CNBD1: variants seen among roughly 807,000 people sequenced by gnomAD.
The protein encoded by CNBD1 is cyclic nucleotide-binding domain-containing protein 1.
CNBD1 carries 71 observed loss-of-function variants against 54.4 expected under a neutral mutation model. The ratio of observed to expected loss-of-function variants is 1.30; its 90% CI spans 1.08 to 1.59. CNBD1 has a LOEUF of 1.59. CNBD1 is among the 40% of genes most tolerant of loss of function. The pLI is 0.00. For missense variants in CNBD1, 659 were observed against 518.0 expected (o/e 1.27, Z -2.64); for synonymous variants, 182 against 170.7 (o/e 1.07, Z -0.51).
At chr8:87,315,705 GT>G (rs1316922556) in intron 8 of CNBD1, among the ~76,000 whole-genome samples, 1 of 152,012 alleles carries the variant, frequency 6.6e-6, no homozygotes, top group African/African-American at 2.4e-5. Flanking sequence ...TTTTGGAGGG[GT>G]AAAATATCCA....
intron 4 of CNBD1, among the ~76,000 whole-genome samples, chr8:87,158,181 A>G (rs895581783): frequency 6.6e-6 from 1 of 152,122 alleles, no homozygotes; most frequent in Admixed American, 6.6e-5. Context: ...ACTACCTGGG[A>G]TAAAGTCTGG....
intron 3 of CNBD1, among the ~76,000 whole-genome samples, chr8:86,919,515 G>C (rs1809238980): frequency 6.6e-6 from 1 of 152,148 alleles, no homozygotes; most frequent in South Asian, 2.1e-4. Flanking sequence ...GACTCCCTGT[G>C]ATTGGCTGAA....
intron 2 of CNBD1, among the ~76,000 whole-genome samples, chr8:87,416,202 G>A (rs940521080): frequency 9.2e-5 from 14 of 151,938 alleles, no homozygotes; most frequent in African/African-American, 3.1e-4. Flanking sequence ...AATCAGGAAT[G>A]TAATAAACCT....
Position 87,050,536 on chromosome 8 carries a change from C to A in CNBD1, c.431+110782C>A, listed in dbSNP as rs146998193. On this transcript the variant is annotated intron_variant, in intron 4 of 10. Transcript: ENST00000518476. ...AAACAAGTGAGGGCTGTCTCAGAAT[C>A]CTTGAGGCAGCACTGTCCAGGTTAG... is the stretch of plus-strand genomic sequence containing the variant. 2.6e-3 allele frequency among the ~76,000 whole-genome samples: 393 copies of A among 152,298 alleles called. 1 individual carries two copies. Among genetic ancestry groups the A allele is most frequent in the African/African-American group, 8.7e-3 (360 of 41,566 alleles).
At chr8:87,022,796 G>A (rs998641883) in intron 4 of CNBD1, among the ~76,000 whole-genome samples, 1 of 152,136 alleles carries the variant, frequency 6.6e-6, no homozygotes, top group Admixed American at 6.5e-5. Context: ...AACTGATAAT[G>A]GTTGCTGGAA....
At chr8:87,029,304 G>A (rs925016604) in intron 4 of CNBD1, among the ~76,000 whole-genome samples, 8 of 152,120 alleles carry the variant, frequency 5.3e-5, no homozygotes, top group African/African-American at 1.9e-4. Context: ...AGCCAAACAA[G>A]CAAACAAGTA....
At chr8:86,960,888 T>C (rs962833251) in intron 4 of CNBD1, among the ~76,000 whole-genome samples, 3 of 152,158 alleles carry the variant, frequency 2.0e-5, no homozygotes, top group Non-Finnish European at 4.4e-5. Flanking sequence ...GGAGTGGACC[T>C]CCAGCAAACT....
chr8:87,077,186 T>G (rs556308570), intron 4 of CNBD1, among the ~76,000 whole-genome samples: 4 of 152,280 alleles, frequency 2.6e-5, no homozygotes, highest in African/African-American at 9.6e-5. Context: ...GAACTCGCCT[T>G]AATCAGTTTG....
At chr8:86,979,575 C>T (rs1808425777) in intron 4 of CNBD1, among the ~76,000 whole-genome samples, 1 of 151,864 alleles carries the variant, frequency 6.6e-6, no homozygotes, top group South Asian at 2.1e-4. Context: ...AATAAGACCC[C>T]ATTTCCAAAA....
At chr8:87,045,741 A>AAC (rs1178839152) in intron 4 of CNBD1, among the ~76,000 whole-genome samples, 7 of 149,594 alleles carry the variant, frequency 4.7e-5, no homozygotes, top group African/African-American at 1.7e-4. Context: ...AAAAAAAAAA[A>AAC]AAACAGTACA....
intron 6 of CNBD1, among the ~76,000 whole-genome samples, chr8:87,273,117 G>T (rs770311029): frequency 2.0e-5 from 3 of 151,886 alleles, no homozygotes; most frequent in Non-Finnish European, 4.4e-5. Context: ...TCAAATAATA[G>T]TAGTACTGTA....
At chr8:87,407,472 T>G (rs1807669992) in intron 2 of CNBD1, among the ~76,000 whole-genome samples, 1 of 152,084 alleles carries the variant, frequency 6.6e-6, no homozygotes, top group Admixed American at 6.6e-5. Context: ...TGCATTCTAG[T>G]TAATGCTTTT....
intron 5 of CNBD1, among the ~76,000 whole-genome samples, chr8:87,211,187 T>G: frequency 6.6e-6 from 1 of 152,210 alleles, no homozygotes; most frequent in Non-Finnish European, 1.5e-5. Context: ...TTGGTCAATT[T>G]ATCCCTTTTG....
chr8:86,906,686 C>A (rs72663138), intron 3 of CNBD1, among the ~76,000 whole-genome samples: 1 of 152,292 alleles, frequency 6.6e-6, no homozygotes, highest in Non-Finnish European at 1.5e-5. Flanking sequence ...TTATGGATAG[C>A]TGATATGATC....
chr8:87,383,775 G>A (rs957158315), downstream of CNBD1, among the ~76,000 whole-genome samples: 1 of 152,076 alleles, frequency 6.6e-6, no homozygotes, highest in Non-Finnish European at 1.5e-5. Context: ...TATTAACTTT[G>A]TTTTAAGGAA....
chr8:87,404,202 G>C (rs1807616058), intron 2 of CNBD1, among the ~76,000 whole-genome samples: 1 of 152,034 alleles, frequency 6.6e-6, no homozygotes, highest in South Asian at 2.1e-4. Context: ...AGTGGCAGGG[G>C]TAGGGAAGTG....
Position 87,327,081 on chromosome 8 carries a change from C to T in CNBD1, c.1043-24604C>T, listed in dbSNP as rs554282994. 8.2e-3 allele frequency among the ~76,000 whole-genome samples: 1,220 copies of T among 148,736 alleles called. 13 individuals are homozygous for T. The highest frequency in any genetic ancestry group is 0.028 in the African/African-American group (1,113 of 40,126). The stretch of plus-strand genomic sequence containing the variant: ...CCCTGCCGTGTGAGGTGTCAGTGTG[C>T]CCCTGCTGGGGGGTGCCTCCCAGTT... On this transcript the variant is annotated intron_variant, in intron 8 of 10. Transcript: ENST00000518476.
At chr8:87,331,229 C>A (rs1400069636) in intron 8 of CNBD1, among the ~76,000 whole-genome samples, 1 of 152,128 alleles carries the variant, frequency 6.6e-6, no homozygotes, top group Non-Finnish European at 1.5e-5. Flanking sequence ...ACCCCGCTGA[C>A]AGGTCCAGGT....
intron 8 of CNBD1, among the ~76,000 whole-genome samples, chr8:87,298,488 C>CTTTT (rs11414234): frequency 7.2e-6 from 1 of 139,810 alleles, no homozygotes; most frequent in Non-Finnish European, 1.5e-5. Context: ...TTTTTTCCCT[C>CTTTT]TTTTTTTTTT....
Sources: gnomAD v4.1 joint callset for allele counts (sites outside exome capture counted in the v4.1 genomes callset) on GRCh38, gnomAD v4.1.1 for gene constraint, MANE v1.5 for transcripts, NCBI Gene and HGNC (gene_info 2026-07-23, HGNC 2026-07-21) for gene names.